Variants in PANK3 observed in about 807,000 individuals in gnomAD.
The protein encoded by PANK3 is hPanK3.
In PANK3, 20 loss-of-function variants were observed where a neutral mutation model predicts 39.4. That is an observed-to-expected ratio of 0.51 (90% CI 0.36 to 0.74). The LOEUF (loss-of-function observed/expected upper bound fraction) is 0.74. Among genes scored for constraint, PANK3 ranks in the 30% least tolerant of loss-of-function variants. The probability of loss-of-function intolerance (pLI) is 0.00; values close to 1 mark genes in which losing one functional copy is unlikely to be tolerated. For missense variants in PANK3, 265 were observed against 437.0 expected, an observed-to-expected ratio of 0.61 and a Z score of 3.51; for synonymous variants, 140 against 157.3, an observed-to-expected ratio of 0.89 and a Z score of 0.82.
rs990470602 is a variant in PANK3 at position 168,568,751 on chromosome 5, C to T, written c.276G>A (p.Leu92=). Residue 92 remains leucine (L), a synonymous_variant, in exon 2 of 7, where the codon CTG becomes CTA. Coordinates refer to ENST00000239231, the MANE Select transcript of PANK3 (RefSeq NM_024594.4). ...CTCTTCCCATTTGGATAAAAGTAGG[C>T]AGGTCCTGGGTTGGAAACCTGATAA... ...LHFIRFPTQD[L]PTFIQMGRDK... 7 of 1,613,962 alleles carry T rather than the reference C, an allele frequency of 4.3e-6. No homozygotes were observed. The highest frequency in any genetic ancestry group is 5.1e-6 in the Non-Finnish European group (6 of 1,179,994).
rs1285111806 is a variant in PANK3 at position 168,551,314 on chromosome 5, G to C, written c.*6257C>G. 1 of 152,128 alleles carries C rather than the reference G, an allele frequency of 6.6e-6. No homozygotes were observed. The highest frequency in any genetic ancestry group is 1.5e-5 in the Non-Finnish European group (1 of 68,006). 9.4% of individuals were successfully genotyped at this position (152,128 alleles called of 1,614,324 possible). A position where few individuals can be genotyped will look rare whatever the true frequency, so the allele number is the denominator to read the frequency against. ...TGGCAGATCACTTTAAGTGAGGTCA[G>C]AGAGTATTATCACAAAAAGATAATA... On this transcript the variant is annotated 3_prime_UTR_variant, in exon 7 of 7. Transcript: ENST00000239231.
At chr5:168,561,734 ATAGT>A (rs1284405926) in intron 4 of PANK3, among the ~76,000 whole-genome samples, 8 of 152,326 alleles carry the variant, frequency 5.3e-5, no homozygotes, top group African/African-American at 1.2e-4. Flanking sequence ...CAAAAAAAGC[ATAGT>A]TAGTTATTAT....
rs1759363593 is a variant in PANK3 at position 168,557,236 on chromosome 5, A to G, written c.*335T>C. 1 of 191,478 alleles carries G rather than the reference A, an allele frequency of 5.2e-6. No individual in the cohort carries two copies. Among genetic ancestry groups the G allele is most frequent in the Non-Finnish European group, 1.1e-5 (1 of 93,224 alleles). 11.9% of individuals were successfully genotyped at this position (191,478 alleles called of 1,614,324 possible). On this transcript the variant is annotated 3_prime_UTR_variant, in exon 7 of 7. Coordinates refer to ENST00000239231, the MANE Select transcript of PANK3 (RefSeq NM_024594.4). ...CAAATATTCAGAGTCGATTATTTTC[A>G]TAAGCTAAACAGTTCCGATACTTTA...
At chr5:168,569,030 A>AATATATATATATATATATATATAT (rs766705356) in intron 1 of PANK3, 32 bp from the exon 2 acceptor site, 2 of 120,392 alleles carry the variant, frequency 1.7e-5, no homozygotes, top group African/African-American at 7.9e-5. Flanking sequence ...AAAAAAAAAA[A>AATATATATATATATATATATATAT]ATATATATAT....
chr5:168,565,885 A>ATATATATATATATATATATAT (rs1441027360), intron 3 of PANK3, 128 bp downstream of exon 3: 1 of 192,932 alleles, frequency 5.2e-6, no homozygotes, highest in Non-Finnish European at 9.5e-6. Flanking sequence ...ATATATATAT[A>ATATATATATATATATATATAT]TTTTTTTTTT....
Position 168,568,700 on chromosome 5 carries a change from C to T in PANK3, c.327G>A (p.Thr109=), listed in dbSNP as rs771045313. 1.2e-5 allele frequency: 20 copies of T among 1,613,904 alleles called. No homozygotes were observed. In the Admixed American group the frequency reaches 2.2e-4, roughly 17 times the overall value. Residue 109 remains threonine, a synonymous_variant, in exon 2 of 7, where the codon ACG becomes ACA. Transcript: ENST00000239231. ...GRDKNFSTLQ[T]VLCATGGGAY... is the part of the protein sequence containing the mutation. ...CACCACCTCCTGTAGCACATAGCAC[C>T]GTCTGCAATGTTGAGAAGTTTTTAT...
In PANK3 at chr5:168,557,594, G is replaced by C; in HGVS notation, c.1090C>G (p.Leu364Val). Residue 364 changes from leucine (L) to valine (V), a missense_variant, in exon 7 of 7, where the codon CTT (leucine) becomes GTT (valine). This residue lies in a region of PANK3 where 110 missense variants were observed against 161.2 expected (regional missense o/e 0.68). Transcript: ENST00000239231. ...EGYFGAVGAL[L>V]GLPNFS ...CTTTAGCTGAAATTTGGCAGCCCAA[G>C]AAGTGCACCAACTGCTCCAAAGTAA... The C allele has an allele frequency of 6.2e-7, 1 of 1,613,968 alleles. No homozygotes were observed. Among genetic ancestry groups the C allele is most frequent in the South Asian group, 1.1e-5 (1 of 91,054 alleles).
intron 1 of PANK3, among the ~76,000 whole-genome samples, chr5:168,569,632 A>G (rs568327651): frequency 2.2e-4 from 33 of 152,206 alleles, no homozygotes; most frequent in African/African-American, 7.7e-4. Flanking sequence ...AAAAATTCAG[A>G]TCATTCTTTT....
intron 1 of PANK3, among the ~76,000 whole-genome samples, chr5:168,572,153 GC>G (rs1392410813): frequency 7.0e-6 from 1 of 142,630 alleles, no homozygotes; most frequent in Non-Finnish European, 1.5e-5. Flanking sequence ...TTGCTCTGTG[GC>G]CCAGACTGGA....
In PANK3 at chr5:168,561,486, T is replaced by C; in HGVS notation, c.843A>G (p.Arg281=). ...CCAGATCTTCTTTACTAACAGATTC[T>C]CGCTTCTCCTTATAAATCATATTCC... ...SFGNMIYKEK[R]ESVSKEDLAR... is the part of the protein sequence containing the mutation. The change falls in exon 5 of 7, where the codon CGA becomes CGG. Residue 281 remains arginine, a synonymous_variant. Transcript: ENST00000239231. The C allele has an allele frequency of 6.3e-7, 1 of 1,589,622 alleles. No homozygotes were observed. The highest frequency in any genetic ancestry group is 8.6e-7 in the Non-Finnish European group (1 of 1,168,418).
chr5:168,568,928 G>A lies in PANK3; in HGVS notation c.99C>T (p.Ile33=). 6.3e-7 allele frequency: 1 copy of A among 1,595,572 alleles called. No individual in the cohort carries two copies. Among genetic ancestry groups the A allele is most frequent in the East Asian group, 2.3e-5 (1 of 43,546 alleles). The change falls in exon 2 of 7, where the codon ATC becomes ATT. Residue 33 remains isoleucine (I), a synonymous_variant. Coordinates refer to ENST00000239231, the MANE Select transcript of PANK3 (RefSeq NM_024594.4). ...VKLSYFEPID[I]TAEEEQEEVE... Reference sequence around the variant, plus strand: ...CTTCTTCTTGCTCTTCCTCTGCTGTGATATCAATAGGTTCAAAGTACGAGA... The same window carrying A: ...CTTCTTCTTGCTCTTCCTCTGCTGTAATATCAATAGGTTCAAAGTACGAGA...
At chr5:168,575,116 T>C (rs1021562859) in intron 1 of PANK3, among the ~76,000 whole-genome samples, 4 of 152,174 alleles carry the variant, frequency 2.6e-5, no homozygotes, top group Admixed American at 1.3e-4. Flanking sequence ...ACTTTGATGA[T>C]GGTCAATATA....
At chr5:168,564,831 T>A (rs1759500360) in intron 3 of PANK3, among the ~76,000 whole-genome samples, 1 of 152,106 alleles carries the variant, frequency 6.6e-6, no homozygotes, top group East Asian at 1.9e-4. Flanking sequence ...TACACTAATA[T>A]TTCACATGAC....
rs1469303975 is a variant in PANK3, at chr5:168,551,045, C to T, written c.*6526G>A. The T allele has an allele frequency of 6.6e-6, 1 of 152,282 alleles. No homozygotes were observed. The highest frequency in any genetic ancestry group is 1.9e-4 in the East Asian group (1 of 5,190). 9.4% of individuals were successfully genotyped at this position (152,282 alleles called of 1,614,324 possible). ...CAGAAAAGCTGGGATGATTGATTTT[C>T]ACACCACCATTATCGTGAATGGGCT... On this transcript the variant is annotated 3_prime_UTR_variant, in exon 7 of 7. Transcript: ENST00000239231.
chr5:168,557,765 TAAAA>T (rs1005904904), intron 6 of PANK3, 144 bp from the exon 7 acceptor site: 2 of 605,022 alleles, frequency 3.3e-6, no homozygotes, highest in Non-Finnish European at 5.5e-6. Context: ...TTAGCTATTA[TAAAA>T]AATTTTCTGA....
intron 1 of PANK3, among the ~76,000 whole-genome samples, chr5:168,572,885 C>T (rs906046971): frequency 6.6e-6 from 1 of 151,824 alleles, no homozygotes. Context: ...TTAGGGGTGG[C>T]GTGGGAACCT....
Position 168,553,560 on chromosome 5 carries a change from C to G in PANK3, c.*4011G>C. ...ATGAGCAAAACCTCAGAGGGAGAGTCTTCTGACCTCTCTTTCAAAGTGTAA... is the reference window on the plus strand; with the variant it reads ...ATGAGCAAAACCTCAGAGGGAGAGTGTTCTGACCTCTCTTTCAAAGTGTAA... On this transcript the variant is annotated 3_prime_UTR_variant, in exon 7 of 7. Transcript: ENST00000239231. 9.6e-6 allele frequency: 3 copies of G among 311,808 alleles called. No homozygotes were observed. The highest frequency in any genetic ancestry group is 8.7e-5 in the South Asian group (3 of 34,374). The allele number at this position is 311,808 out of a possible 1,614,324, so 19.3% of individuals were successfully genotyped here.
intron 1 of PANK3, among the ~76,000 whole-genome samples, chr5:168,570,154 G>A (rs1428477717): frequency 1.3e-5 from 2 of 152,076 alleles, no homozygotes; most frequent in Admixed American, 6.6e-5. Flanking sequence ...AGGCCGAGAC[G>A]GGTGGATCAC....
intron 2 of PANK3, 96 bp downstream of exon 2, chr5:168,568,550 C>T (rs149532439): frequency 8.5e-6 from 8 of 935,868 alleles, no homozygotes; most frequent in Non-Finnish European, 1.3e-5. Context: ...TTTCCCACTG[C>T]ATGTGCAGGG....
Sources: gnomAD v4.1 joint callset for allele counts (sites outside exome capture counted in the v4.1 genomes callset) on GRCh38, gnomAD v4.1.1 for gene constraint, gnomAD v4.1.1 regional missense constraint, MANE v1.5 for transcripts, NCBI Gene and HGNC (gene_info 2026-07-23, HGNC 2026-07-21) for gene names.